The following SYT16 variants were observed in gnomAD, a reference collection of about 807,000 sequenced individuals.
SYT16 encodes the protein synaptotagmin 16, also known as synaptotagmin-16.
In SYT16, 42 loss-of-function variants were observed where a neutral mutation model predicts 61.4. The observed-to-expected ratio is 0.68, with a 90% CI of 0.53 to 0.89. SYT16 has a LOEUF of 0.89. Among genes scored for constraint, SYT16 ranks in the 40% least tolerant of loss-of-function variants. The pLI is 0.00. For synonymous variants in SYT16, 314 were observed against 302.3 expected, an observed-to-expected ratio of 1.04 and a Z score of -0.40; for missense variants, 804 against 807.3, an observed-to-expected ratio of 1.00 and a Z score of 0.05.
chr14:61,846,995 T>C (rs772846156), intron 1 of SYT16, among the ~76,000 whole-genome samples: 2 of 152,204 alleles, frequency 1.3e-5, no homozygotes, highest in Non-Finnish European at 2.9e-5. Flanking sequence ...TTGCTTCTCT[T>C]TATATCTTAC....
intron 1 of SYT16, among the ~76,000 whole-genome samples, chr14:61,950,323 G>C (rs2050618327): frequency 6.6e-6 from 1 of 151,474 alleles, no homozygotes; most frequent in African/African-American, 2.4e-5. Context: ...TGGAAATAAA[G>C]GACTCTTTTA....
intron 1 of SYT16, among the ~76,000 whole-genome samples, chr14:61,883,824 A>G (rs1300568848): frequency 6.6e-6 from 1 of 152,238 alleles, no homozygotes; most frequent in Non-Finnish European, 1.5e-5. Flanking sequence ...GAAGACCCTA[A>G]GAAACTTACA....
intron 1 of SYT16, among the ~76,000 whole-genome samples, chr14:61,929,588 G>A (rs994911885): frequency 6.6e-5 from 10 of 152,150 alleles, no homozygotes; most frequent in Admixed American, 1.3e-4. Flanking sequence ...CCTTTGATCC[G>A]TGAATTTACA....
chr14:61,906,588 G>A (rs188726321), intron 1 of SYT16, among the ~76,000 whole-genome samples: 1 of 152,102 alleles, frequency 6.6e-6, no homozygotes, highest in African/African-American at 2.4e-5. Context: ...TATATGTTCA[G>A]TACTTTGCTA....
intron 6 of SYT16, among the ~76,000 whole-genome samples, chr14:62,082,637 C>G (rs537237899): frequency 6.6e-6 from 1 of 152,192 alleles, no homozygotes; most frequent in Non-Finnish European, 1.5e-5. Flanking sequence ...TGTCTCAGCT[C>G]TGCTCAGATC....
At chr14:62,056,273 C>T (rs1484273902) in intron 3 of SYT16, among the ~76,000 whole-genome samples, 1 of 152,120 alleles carries the variant, frequency 6.6e-6, no homozygotes, top group African/African-American at 2.4e-5. Context: ...GTGTCACCAG[C>T]CCCTTCTTAT....
At chr14:61,965,913 A>G (rs1377893066) in intron 1 of SYT16, among the ~76,000 whole-genome samples, 2 of 152,118 alleles carry the variant, frequency 1.3e-5, no homozygotes, top group African/African-American at 4.8e-5. Context: ...ACATTCTGGT[A>G]AAATTTTTGT....
chr14:61,918,373 A>G (rs1472753632), intron 1 of SYT16, among the ~76,000 whole-genome samples: 1 of 152,152 alleles, frequency 6.6e-6, no homozygotes, highest in Admixed American at 6.5e-5. Context: ...AAACTGTAGC[A>G]TGGCTGACCT....
intron 3 of SYT16, among the ~76,000 whole-genome samples, chr14:62,066,902 G>A (rs2056082126): frequency 1.3e-5 from 2 of 152,184 alleles, no homozygotes; most frequent in South Asian, 4.1e-4. Context: ...ATCCGAGGGA[G>A]CACTGACAAG....
chr14:61,861,927 AAAAT>A (rs2046976350), intron 1 of SYT16, among the ~76,000 whole-genome samples: 1 of 152,226 alleles, frequency 6.6e-6, no homozygotes, highest in African/African-American at 2.4e-5. Flanking sequence ...TATTGCTAAA[AAAAT>A]ACTGGCACAG....
intron 3 of SYT16, among the ~76,000 whole-genome samples, chr14:62,064,217 G>A (rs575022815): frequency 1.4e-3 from 208 of 148,772 alleles, no homozygotes; most frequent in Admixed American, 3.7e-3. Flanking sequence ...GAGACCTTGT[G>A]ATTTTCAAAG....
Position 62,110,071 on chromosome 14 carries a change from A to G in SYT16, c.*9364A>G, listed in dbSNP as rs2057581145. 6.6e-6 allele frequency: 1 copy of G among 152,130 alleles called. No homozygotes were observed. The highest frequency in any genetic ancestry group is 2.1e-4 in the South Asian group (1 of 4,824). 9.4% of individuals were successfully genotyped at this position (152,130 alleles called of 1,614,324 possible). ...ATTTGTATCTGAGAAACATTTTGAGATTATTTATATGTCTTCTGACTGCCC... is the reference window on the plus strand; with the variant it reads ...ATTTGTATCTGAGAAACATTTTGAGGTTATTTATATGTCTTCTGACTGCCC... On this transcript the variant is annotated 3_prime_UTR_variant, in exon 8 of 8. Transcript: ENST00000683842.
chr14:61,831,447 T>C (rs1045878411), intron 1 of SYT16, among the ~76,000 whole-genome samples: 10 of 152,216 alleles, frequency 6.6e-5, no homozygotes, highest in Non-Finnish European at 1.5e-4. Context: ...AATTTAACCA[T>C]TATGGGTATA....
chr14:61,902,697 G>A (rs2048565101), intron 1 of SYT16, among the ~76,000 whole-genome samples: 1 of 152,134 alleles, frequency 6.6e-6, no homozygotes, highest in African/African-American at 2.4e-5. Context: ...TCCAAGATTG[G>A]GTAATTTATA....
At chr14:61,970,105 A>AT (rs1255188406) in intron 1 of SYT16, 27 bp from the exon 2 acceptor site, 1 of 152,018 alleles carries the variant, frequency 6.6e-6, no homozygotes, top group Non-Finnish European at 1.5e-5. Flanking sequence ...TTGTGATGAT[A>AT]TTTTTTTCTT....
chr14:62,038,839 G>C (rs1368898438), intron 3 of SYT16, among the ~76,000 whole-genome samples: 1 of 152,168 alleles, frequency 6.6e-6, no homozygotes. Context: ...TTTCTCTGAG[G>C]ATATTGTAAG....
intron 1 of SYT16, among the ~76,000 whole-genome samples, chr14:61,822,558 G>T (rs1360078952): frequency 2.6e-5 from 4 of 152,230 alleles, no homozygotes; most frequent in Non-Finnish European, 4.4e-5. Context: ...CGTCAGAGAA[G>T]AAATTGTTCT....
intron 2 of SYT16, among the ~76,000 whole-genome samples, chr14:61,979,046 C>A (rs2051941197): frequency 6.6e-6 from 1 of 152,166 alleles, no homozygotes; most frequent in African/African-American, 2.4e-5. Flanking sequence ...CTTTCAGGAT[C>A]CTCTTAATGA....
intron 3 of SYT16, among the ~76,000 whole-genome samples, chr14:62,032,738 T>C (rs1434030760): frequency 6.6e-6 from 1 of 151,870 alleles, no homozygotes; most frequent in Non-Finnish European, 1.5e-5. Flanking sequence ...TTAAGGTAAA[T>C]TTAACAGATT....
Sources: gnomAD v4.1 joint callset for allele counts (sites outside exome capture counted in the v4.1 genomes callset) on GRCh38, gnomAD v4.1.1 for gene constraint, MANE v1.5 for transcripts, NCBI Gene and HGNC (gene_info 2026-07-23, HGNC 2026-07-21) for gene names.